CNTFR: variants seen among roughly 807,000 people sequenced by gnomAD.
CNTFR encodes ciliary neurotrophic factor receptor.
CNTFR carries 12 observed loss-of-function variants against 40.4 expected under a neutral mutation model. The ratio of observed to expected loss-of-function variants is 0.30; its 90% CI spans 0.19 to 0.48. The LOEUF (loss-of-function observed/expected upper bound fraction) is 0.48, where lower values mean the gene tolerates loss of function less well. Ranked by LOEUF, CNTFR falls within the 20% of genes least tolerant of loss-of-function variation. The pLI, the probability that CNTFR is intolerant of heterozygous loss-of-function variation, is 0.99. For synonymous variants in CNTFR, 202 were observed against 209.6 expected (o/e 0.96, Z 0.31); for missense variants, 414 against 506.8 (o/e 0.82, Z 1.76).
At position 34,570,969 on chromosome 9, in the gene CNTFR, C is replaced by T. The variant is rs539030491; in HGVS notation, c.1-1988G>A. Among the ~76,000 whole-genome samples the T allele has an allele frequency of 5.3e-5, 8 of 152,300 alleles. No homozygotes were observed. The East Asian group carries it at 7.7e-4, about 15-fold the overall frequency. On this transcript the variant is annotated intron_variant, in intron 2 of 9. Transcript: ENST00000378980. The stretch of plus-strand genomic sequence containing the variant: ...GCTTTTCCTTTCCTCCCTGTCACAG[C>T]CACAGGTGCCCTGACTGCCCCTCCC...
intron 4 of CNTFR, among the ~76,000 whole-genome samples, chr9:34,558,710 C>T (rs866339613): frequency 6.6e-5 from 10 of 152,232 alleles, no homozygotes; most frequent in African/African-American, 2.4e-4. Context: ...GTGTGTACCT[C>T]ACCTTAGTGC....
intron 2 of CNTFR, among the ~76,000 whole-genome samples, chr9:34,578,224 G>T (rs566458106): frequency 1.3e-5 from 2 of 152,198 alleles, no homozygotes; most frequent in Non-Finnish European, 2.9e-5. Context: ...GTGAGCGACC[G>T]GGCAAGCGGG....
At position 34,564,734 on chromosome 9, in the gene CNTFR, T is replaced by C. The variant is rs768207633; in HGVS notation, c.184A>G (p.Thr62Ala). The stretch of plus-strand genomic sequence containing the variant: ...TTGAGCAGGTCAGGGGCCAGGTCTG[T>C]CCCATTTACCCGCCACGTCACCGCA... ...DAAVTWRVNG[T>A]DLAPDLLNGS... The change falls in exon 4 of 10, where the codon ACA becomes GCA. Residue 62 changes from threonine (T) to alanine (A), a missense_variant. Physicochemically the swap from Thr to Ala is moderately conservative, Grantham distance 58. Around this residue, in one of 3 missense-constraint regions of CNTFR, gnomAD observed 250 missense variants for 269.5 expected, o/e 0.93. Transcript: ENST00000378980. 3 of 1,613,964 alleles carry C rather than the reference T, an allele frequency of 1.9e-6. No homozygotes were observed. Among genetic ancestry groups the C allele is most frequent in the Non-Finnish European group, 1.7e-6 (2 of 1,179,986 alleles).
At chr9:34,574,680 C>T (rs1209176853) in intron 2 of CNTFR, among the ~76,000 whole-genome samples, 8 of 152,332 alleles carry the variant, frequency 5.3e-5, no homozygotes, top group East Asian at 1.9e-4. Flanking sequence ...GGTTGGTATC[C>T]GCACCTGCTG....
chr9:34,580,033 C>T (rs1208448804), intron 2 of CNTFR: 1 of 152,146 alleles, frequency 6.6e-6, no homozygotes, highest in Non-Finnish European at 1.5e-5. Flanking sequence ...TTCCTGCTGT[C>T]TGGCCTCAGT....
chr9:34,562,091 G>GTCCA (rs1394423645), intron 4 of CNTFR, among the ~76,000 whole-genome samples: 2 of 152,180 alleles, frequency 1.3e-5, no homozygotes, highest in African/African-American at 4.8e-5. Flanking sequence ...AAGAATGGGG[G>GTCCA]TCCAGGGTCA....
Position 34,551,588 on chromosome 9 carries a change from G to C in CNTFR, c.*483C>G. 1 of 273,380 alleles carries C rather than the reference G, an allele frequency of 3.7e-6. No individual in the cohort carries two copies. The highest frequency in any genetic ancestry group is 4.0e-5 in the South Asian group (1 of 25,204). 16.9% of individuals were successfully genotyped at this position (273,380 alleles called of 1,614,324 possible). On this transcript the variant is annotated 3_prime_UTR_variant, in exon 10 of 10. Coordinates refer to ENST00000378980, the MANE Select transcript of CNTFR (RefSeq NM_147164.3). ...GGGATAGGAGCAGGGTCAGGGGAGGGGTATACAAAACAGGGCAGAGGGGAG... is the reference window on the plus strand; with the variant it reads ...GGGATAGGAGCAGGGTCAGGGGAGGCGTATACAAAACAGGGCAGAGGGGAG...
At chr9:34,568,682 T>C (rs1402043022) in intron 3 of CNTFR, among the ~76,000 whole-genome samples, 1 of 152,022 alleles carries the variant, frequency 6.6e-6, no homozygotes, top group Non-Finnish European at 1.5e-5. Flanking sequence ...AGACAGATCA[T>C]CTCAAGCCAG....
At chr9:34,584,497 G>A (rs1827460039) in intron 1 of CNTFR, among the ~76,000 whole-genome samples, 2 of 152,236 alleles carry the variant, frequency 1.3e-5, no homozygotes, top group Admixed American at 6.5e-5. Context: ...GCTGGACAGA[G>A]TATTTTTAGG....
intron 1 of CNTFR, among the ~76,000 whole-genome samples, chr9:34,588,935 T>C (rs1180794441): frequency 1.3e-5 from 2 of 152,004 alleles, no homozygotes; most frequent in East Asian, 1.9e-4. Context: ...GGATACACCA[T>C]AGGCAGACTC....
At chr9:34,576,604 G>T (rs567439605) in intron 2 of CNTFR, among the ~76,000 whole-genome samples, 1 of 152,308 alleles carries the variant, frequency 6.6e-6, no homozygotes, top group South Asian at 2.1e-4. Context: ...GAAAATAAAT[G>T]ATTATTCCCC....
rs887804342 is a variant in CNTFR at position 34,589,485 on chromosome 9, G to A, written c.-112+70C>T. The A allele has an allele frequency of 6.6e-6, 1 of 151,826 alleles. No individual in the cohort carries two copies. The highest frequency in any genetic ancestry group is 1.5e-5 in the Non-Finnish European group (1 of 67,942). The allele number at this position is 151,826 out of a possible 1,614,324, so 9.4% of individuals were successfully genotyped here. On this transcript the variant is annotated intron_variant, in intron 1 of 9. Transcript: ENST00000378980. The surrounding 1 kb of genome is among the most constrained non-coding windows in gnomAD (Gnocchi z 4.4). ...CCCTCACTCTTCCCGCACGCATGAG[G>A]GCCGCCGGTCTGCTGGTCAGCCCGG...
At chr9:34,581,663 A>G (rs765272825) in intron 1 of CNTFR, among the ~76,000 whole-genome samples, 6 of 152,230 alleles carry the variant, frequency 3.9e-5, no homozygotes, top group Non-Finnish European at 5.9e-5. Context: ...GGCACTTTAT[A>G]TGCATTATCT....
chr9:34,573,024 C>T (rs2132208383), intron 2 of CNTFR, among the ~76,000 whole-genome samples: 1 of 152,328 alleles, frequency 6.6e-6, no homozygotes, highest in Non-Finnish European at 1.5e-5. Flanking sequence ...AGTCTGACAG[C>T]CGCCGTCGGT....
At chr9:34,578,388 G>A (rs1827102355) in intron 2 of CNTFR, among the ~76,000 whole-genome samples, 1 of 152,132 alleles carries the variant, frequency 6.6e-6, no homozygotes, top group South Asian at 2.1e-4. Context: ...TGCTGGGGGA[G>A]GGGAGGCAGA....
intron 1 of CNTFR, among the ~76,000 whole-genome samples, chr9:34,588,270 A>G (rs553671756): frequency 6.6e-6 from 1 of 152,296 alleles, no homozygotes; most frequent in East Asian, 1.9e-4. Context: ...AGTCATTGCT[A>G]GCCCTACATC....
rs754867183 is a variant in CNTFR, at chr9:34,579,636, G to A, written c.-1+1459C>T. ...ATGGGAGGCCAAAGGAAGCTGGGGG[G>A]CTGAGGAGCAGAAACAAACAAACAA... On this transcript the variant is annotated intron_variant, in intron 2 of 9. Coordinates refer to ENST00000378980, the MANE Select transcript of CNTFR (RefSeq NM_147164.3). Among the ~76,000 whole-genome samples, 3 of 152,136 alleles carry A rather than the reference G, an allele frequency of 2.0e-5. No individual in the cohort carries two copies. The South Asian group carries it at 6.2e-4, about 32-fold the overall frequency.
chr9:34,568,228 A>C (rs1297168212), intron 3 of CNTFR: 5 of 152,276 alleles, frequency 3.3e-5, no homozygotes, highest in Non-Finnish European at 5.9e-5. Flanking sequence ...GTAGAGGGGC[A>C]GGTGGCCAAG....
At chr9:34,584,576 T>C (rs1345800385) in intron 1 of CNTFR, among the ~76,000 whole-genome samples, 2 of 152,170 alleles carry the variant, frequency 1.3e-5, no homozygotes. Context: ...CCACAACAGC[T>C]ACACAGCCTC....
Sources: allele counts gnomAD v4.1 joint callset (sites outside exome capture counted in the v4.1 genomes callset), GRCh38; gene constraint gnomAD v4.1.1; regional missense constraint gnomAD v4.1.1; non-coding constraint Gnocchi (gnomAD v3.1); transcripts MANE v1.5; gene names NCBI Gene and HGNC (gene_info 2026-07-23, HGNC 2026-07-21).